IL1RAPL1: variants seen among roughly 807,000 people sequenced by gnomAD.
The protein encoded by IL1RAPL1 is interleukin-1 receptor accessory protein-like 1.
In IL1RAPL1, 3 loss-of-function variants were observed where a neutral mutation model predicts 48.4. The observed-to-expected ratio is 0.06, with a 90% CI of 0.03 to 0.16. The LOEUF (loss-of-function observed/expected upper bound fraction) is 0.16. Ranked by LOEUF, IL1RAPL1 falls within the 10% of genes least tolerant of loss-of-function variation. The probability of loss-of-function intolerance (pLI) is 1.00; values close to 1 mark genes in which losing one functional copy is unlikely to be tolerated. For missense variants in IL1RAPL1, 349 were observed against 530.6 expected, an observed-to-expected ratio of 0.66 and a Z score of 3.36; for synonymous variants, 185 against 187.7, an observed-to-expected ratio of 0.99 and a Z score of 0.12.
At chrX:28,894,638 G>T (rs931349169) in intron 2 of IL1RAPL1, among the ~76,000 whole-genome samples, 1 of 110,900 alleles carries the variant, frequency 9.0e-6, no homozygotes, top group African/African-American at 3.3e-5. Context: ...GAGAACTGTA[G>T]AGAGTGAGTT....
chrX:29,100,607 A>G (rs1466678905), intron 2 of IL1RAPL1, among the ~76,000 whole-genome samples: 1 of 111,994 alleles, frequency 8.9e-6, no homozygotes, highest in African/African-American at 3.2e-5. Context: ...GCTTAAGTCA[A>G]ATTTAGTTTA....
intron 2 of IL1RAPL1, among the ~76,000 whole-genome samples, chrX:29,278,002 G>A (rs905153958): frequency 9.0e-6 from 1 of 111,721 alleles, no homozygotes; most frequent in Non-Finnish European, 1.9e-5. Context: ...CACTCAAAAA[G>A]TTTTGAATTT....
At chrX:29,286,534 TA>T (rs1486001535) in intron 3 of IL1RAPL1, among the ~76,000 whole-genome samples, 3 of 109,964 alleles carry the variant, frequency 2.7e-5, no homozygotes, top group Admixed American at 9.7e-5. Context: ...TGAAACTGTT[TA>T]AAAATTAGCC....
chrX:28,670,261 A>G (rs1321730365), intron 1 of IL1RAPL1, among the ~76,000 whole-genome samples: 2 of 111,835 alleles, frequency 1.8e-5, no homozygotes, highest in Non-Finnish European at 3.8e-5. Flanking sequence ...GGGGATCAAT[A>G]CATACTTTTG....
At chrX:29,865,724 C>A in intron 6 of IL1RAPL1, among the ~76,000 whole-genome samples, 1 of 103,000 alleles carries the variant, frequency 9.7e-6, no homozygotes, top group South Asian at 4.8e-4. Flanking sequence ...GCAACCTGCA[C>A]CTCCCACATT....
chrX:29,863,161 C>A (rs1344408906), intron 6 of IL1RAPL1, among the ~76,000 whole-genome samples: 1 of 110,911 alleles, frequency 9.0e-6, no homozygotes, highest in Non-Finnish European at 1.9e-5. Context: ...ACCTATTTTG[C>A]AATTGCAATG....
chrX:29,727,561 A>G (rs1927807114), intron 6 of IL1RAPL1, among the ~76,000 whole-genome samples: 1 of 111,933 alleles, frequency 8.9e-6, no homozygotes, highest in Admixed American at 9.5e-5. Flanking sequence ...TTAAAATGTG[A>G]GACAGGTTCT....
At chrX:28,940,937 A>G (rs1437412123) in intron 2 of IL1RAPL1, among the ~76,000 whole-genome samples, 1 of 110,208 alleles carries the variant, frequency 9.1e-6, no homozygotes, top group Non-Finnish European at 1.9e-5. Flanking sequence ...TGAAAATTGG[A>G]TTTTCCCCAC....
At chrX:29,813,593 T>A (rs1361607324) in intron 6 of IL1RAPL1, among the ~76,000 whole-genome samples, 1 of 111,647 alleles carries the variant, frequency 9.0e-6, no homozygotes, top group African/African-American at 3.3e-5. Context: ...TAAAATAATT[T>A]CAACTTTTAT....
intron 3 of IL1RAPL1, among the ~76,000 whole-genome samples, chrX:29,352,390 G>A (rs1933242789): frequency 9.0e-6 from 1 of 111,548 alleles, no homozygotes; most frequent in Admixed American, 9.6e-5. Flanking sequence ...GGTGCCTAAG[G>A]TATAACCACT....
In IL1RAPL1 at chrX:29,238,234, A is replaced by G. The variant is rs557603787; in HGVS notation, c.83-44704A>G. On this transcript the variant is annotated intron_variant, in intron 2 of 10. Transcript: ENST00000378993. Reference sequence around the variant, plus strand: ...AAATAGCCTTTCTTTCCTCTCTGTTAAGTGTTTCCTCATATGTGGGAGAAG... The same window carrying G: ...AAATAGCCTTTCTTTCCTCTCTGTTGAGTGTTTCCTCATATGTGGGAGAAG... 4.8e-4 allele frequency among the ~76,000 whole-genome samples: 54 copies of G among 111,905 alleles called. 1 individual carries two copies. In the South Asian group the frequency reaches 0.02, roughly 42 times the overall value.
chrX:29,353,961 G>A, intron 3 of IL1RAPL1, among the ~76,000 whole-genome samples: 1 of 109,041 alleles, frequency 9.2e-6, no homozygotes, highest in Non-Finnish European at 1.9e-5. Context: ...GAAAACCTAT[G>A]AGGTTCTAAT....
chrX:28,999,089 T>C (rs146027809), intron 2 of IL1RAPL1, among the ~76,000 whole-genome samples: 2,355 of 111,026 alleles, frequency 0.021, 70 homozygotes, highest in African/African-American at 0.071. Context: ...CTCTACAACA[T>C]GACATGTTCA....
At chrX:28,680,442 C>T (rs1048294491) in intron 1 of IL1RAPL1, among the ~76,000 whole-genome samples, 1 of 110,789 alleles carries the variant, frequency 9.0e-6, no homozygotes, top group Non-Finnish European at 1.9e-5. Context: ...ATTTCAGTGC[C>T]TTTTATTTCT....
At chrX:29,895,112 C>G (rs1402535574) in intron 6 of IL1RAPL1, among the ~76,000 whole-genome samples, 1 of 109,862 alleles carries the variant, frequency 9.1e-6, no homozygotes, top group Non-Finnish European at 1.9e-5. Flanking sequence ...GAGTGAGCCA[C>G]CGCGCCCGGC....
chrX:28,967,546 C>G (rs1924950669), intron 2 of IL1RAPL1, among the ~76,000 whole-genome samples: 1 of 111,163 alleles, frequency 9.0e-6, no homozygotes, highest in Non-Finnish European at 1.9e-5. Flanking sequence ...TCCCCCTAAC[C>G]CTTTACCTTT....
chrX:29,313,286 TGCGC>T (rs35752614), intron 3 of IL1RAPL1, among the ~76,000 whole-genome samples: 29,946 of 96,328 alleles, frequency 0.31, 3,833 homozygotes, highest in Non-Finnish European at 0.46. Context: ...TGTGTGTGTG[TGCGC>T]GCGCACATGC....
intron 6 of IL1RAPL1, among the ~76,000 whole-genome samples, chrX:29,875,693 C>T (rs947676443): frequency 8.9e-6 from 1 of 111,996 alleles, no homozygotes; most frequent in Admixed American, 9.5e-5. Context: ...ATCCCTGACT[C>T]AGAATCTATA....
intron 2 of IL1RAPL1, among the ~76,000 whole-genome samples, chrX:28,972,255 T>A (rs770797984): frequency 9.0e-6 from 1 of 111,554 alleles, no homozygotes; most frequent in East Asian, 2.8e-4. Context: ...CAATAATAAT[T>A]ATTATTATCA....
Sources: allele counts gnomAD v4.1 joint callset (sites outside exome capture counted in the v4.1 genomes callset), GRCh38; gene constraint gnomAD v4.1.1; transcripts MANE v1.5; gene names NCBI Gene and HGNC (gene_info 2026-07-23, HGNC 2026-07-21).